HIBADH: variants seen among roughly 807,000 people sequenced by gnomAD.
HIBADH encodes 3-hydroxyisobutyrate dehydrogenase.
A neutral mutation model predicts 36.1 loss-of-function variants in HIBADH; 25 were observed. The ratio of observed to expected loss-of-function variants is 0.69; its 90% CI spans 0.50 to 0.97. HIBADH has a LOEUF of 0.97. Ranked by LOEUF, HIBADH falls within the 50% of genes least tolerant of loss-of-function variation. HIBADH has a pLI of 0.00. For synonymous variants in HIBADH, 160 were observed against 149.5 expected (o/e 1.07, Z -0.51); for missense variants, 421 against 418.0 (o/e 1.01, Z -0.06).
At chr7:27,543,402 T>C (rs1190352049) in intron 4 of HIBADH, among the ~76,000 whole-genome samples, 1 of 152,168 alleles carries the variant, frequency 6.6e-6, no homozygotes, top group African/African-American at 2.4e-5. Flanking sequence ...AATGTTATTA[T>C]TCCCATGCAT....
intron 1 of HIBADH, among the ~76,000 whole-genome samples, chr7:27,659,057 A>C (rs1230707691): frequency 6.6e-6 from 1 of 152,254 alleles, no homozygotes; most frequent in African/African-American, 2.4e-5. Flanking sequence ...TATTTGATTT[A>C]TCCAATGAGT....
chr7:27,568,863 T>C (rs1383370354), intron 4 of HIBADH, among the ~76,000 whole-genome samples: 1 of 151,988 alleles, frequency 6.6e-6, no homozygotes, highest in Non-Finnish European at 1.5e-5. Context: ...TTCTTAAACC[T>C]CTAAGTTTGT....
At chr7:27,581,941 C>T (rs771762190) in intron 4 of HIBADH, among the ~76,000 whole-genome samples, 4 of 151,734 alleles carry the variant, frequency 2.6e-5, no homozygotes, top group Non-Finnish European at 5.9e-5. Flanking sequence ...GATTTTAGTC[C>T]CCAACTTCAT....
chr7:27,555,584 T>C (rs1784379057), intron 4 of HIBADH, among the ~76,000 whole-genome samples: 2 of 152,120 alleles, frequency 1.3e-5, no homozygotes, highest in African/African-American at 4.8e-5. Context: ...TCTCCTCAAA[T>C]AGACCCCAAA....
At position 27,629,494 on chromosome 7, in the gene HIBADH, T is replaced by C. The variant is rs1469481733; in HGVS notation, c.363-2A>G. Reference sequence around the variant, plus strand: ...AATAATGAGCCCTTCTTCACTTTTCTAAGTAAATAAATAAAAATATTTGTA... The same window carrying C: ...AATAATGAGCCCTTCTTCACTTTTCCAAGTAAATAAATAAAAATATTTGTA... On this transcript the variant is annotated splice_acceptor_variant, in intron 3 of 7. Transcript: ENST00000265395. LOFTEE classifies it high-confidence loss of function. 3 of 1,550,484 alleles carry C rather than the reference T, an allele frequency of 1.9e-6. No homozygotes were observed. The highest frequency in any genetic ancestry group is 2.6e-6 in the Non-Finnish European group (3 of 1,145,306).
At chr7:27,640,486 C>T (rs141048334) in intron 2 of HIBADH, among the ~76,000 whole-genome samples, 5,206 of 152,190 alleles carry the variant, frequency 0.034, 117 homozygotes, top group South Asian at 0.093. Context: ...GCCATGATCC[C>T]GCCACTGCAT....
chr7:27,618,687 T>C (rs1368331039), intron 4 of HIBADH, among the ~76,000 whole-genome samples: 1 of 85,790 alleles, frequency 1.2e-5, no homozygotes, highest in African/African-American at 5.6e-5. Context: ...CTGGGTATTA[T>C]AAATAAAAGA....
intron 5 of HIBADH, among the ~76,000 whole-genome samples, chr7:27,541,012 G>A (rs1225275606): frequency 1.3e-5 from 2 of 152,110 alleles, no homozygotes; most frequent in Non-Finnish European, 2.9e-5. Flanking sequence ...TTATAGATAA[G>A]GGCAGTCCTG....
At chr7:27,529,395 T>C (rs768001072) in intron 7 of HIBADH, among the ~76,000 whole-genome samples, 8 of 152,176 alleles carry the variant, frequency 5.3e-5, no homozygotes, top group Non-Finnish European at 1.0e-4. Flanking sequence ...ATTAAGAATA[T>C]TTGTGATTCA....
intron 4 of HIBADH, among the ~76,000 whole-genome samples, chr7:27,557,343 C>A (rs1234023156): frequency 6.6e-6 from 1 of 151,982 alleles, no homozygotes; most frequent in Admixed American, 6.6e-5. Flanking sequence ...GTTTTGTCAT[C>A]TTCCTCATAT....
At chr7:27,632,715 C>G (rs536368000) in intron 2 of HIBADH, among the ~76,000 whole-genome samples, 1 of 151,872 alleles carries the variant, frequency 6.6e-6, no homozygotes, top group East Asian at 1.9e-4. Flanking sequence ...AAGGGCAAAA[C>G]CCAGCAGTCC....
chr7:27,597,719 G>A (rs1785054863), intron 4 of HIBADH, among the ~76,000 whole-genome samples: 1 of 152,110 alleles, frequency 6.6e-6, no homozygotes, highest in Admixed American at 6.5e-5. Context: ...TGCAGATGCT[G>A]CTGCTATCTT....
At chr7:27,595,932 C>T (rs1785026400) in intron 4 of HIBADH, among the ~76,000 whole-genome samples, 1 of 152,114 alleles carries the variant, frequency 6.6e-6, no homozygotes. Context: ...CAAAACCACA[C>T]TATACTATTT....
intron 1 of HIBADH, among the ~76,000 whole-genome samples, chr7:27,654,291 A>G (rs1173754055): frequency 1.3e-5 from 2 of 152,206 alleles, no homozygotes; most frequent in African/African-American, 4.8e-5. Flanking sequence ...CTCAAATGAG[A>G]AGAGAGAAGT....
At chr7:27,559,622 G>GC (rs2128186618) in intron 4 of HIBADH, among the ~76,000 whole-genome samples, 1 of 152,102 alleles carries the variant, frequency 6.6e-6, no homozygotes, top group Admixed American at 6.5e-5. Context: ...AGGTGACAGA[G>GC]CAAGACTCTG....
chr7:27,572,073 T>C (rs1159318352), intron 4 of HIBADH, among the ~76,000 whole-genome samples: 1 of 152,200 alleles, frequency 6.6e-6, no homozygotes, highest in Admixed American at 6.5e-5. Context: ...GCTTTCTCAC[T>C]TTGTGTGAGC....
intron 2 of HIBADH, among the ~76,000 whole-genome samples, chr7:27,643,907 T>A (rs557073547): frequency 6.6e-6 from 1 of 152,318 alleles, no homozygotes; most frequent in South Asian, 2.1e-4. Flanking sequence ...TTCTTTTCTG[T>A]CTCTGGTAAG....
At chr7:27,618,323 T>A (rs765185061) in intron 4 of HIBADH, among the ~76,000 whole-genome samples, 4 of 152,218 alleles carry the variant, frequency 2.6e-5, no homozygotes, top group Admixed American at 6.5e-5. Flanking sequence ...TACACCACTC[T>A]GTATAGCATG....
intron 4 of HIBADH, among the ~76,000 whole-genome samples, chr7:27,565,696 A>G (rs573196320): frequency 4.6e-5 from 7 of 152,306 alleles, no homozygotes; most frequent in African/African-American, 1.7e-4. Context: ...AAGCAGTGAG[A>G]GTAGATATCC....
Sources: gnomAD v4.1 joint callset for allele counts (sites outside exome capture counted in the v4.1 genomes callset) on GRCh38, gnomAD v4.1.1 for gene constraint, MANE v1.5 for transcripts, NCBI Gene and HGNC (gene_info 2026-07-23, HGNC 2026-07-21) for gene names.